Variants in ANKRD6 observed in about 807,000 individuals in gnomAD.
ANKRD6 encodes ankyrin repeat domain 6.
A neutral mutation model predicts 82.3 loss-of-function variants in ANKRD6; 56 were observed. The observed-to-expected ratio is 0.68, with a 90% CI of 0.55 to 0.85. The LOEUF (loss-of-function observed/expected upper bound fraction) is 0.85, where lower values mean the gene tolerates loss of function less well. Among genes scored for constraint, ANKRD6 ranks in the 40% least tolerant of loss-of-function variants. ANKRD6 has a pLI of 0.00. For missense variants in ANKRD6, 852 were observed against 907.6 expected (o/e 0.94, Z 0.79); for synonymous variants, 347 against 352.1 (o/e 0.99, Z 0.16).
At chr6:89,595,519 G>A (rs1251624570) in intron 2 of ANKRD6, among the ~76,000 whole-genome samples, 1 of 152,036 alleles carries the variant, frequency 6.6e-6, no homozygotes, top group African/African-American at 2.4e-5. Flanking sequence ...TGGGGCTGAT[G>A]ACCATGACAT....
At chr6:89,571,120 T>C (rs992151030) in intron 2 of ANKRD6, among the ~76,000 whole-genome samples, 12 of 152,090 alleles carry the variant, frequency 7.9e-5, no homozygotes. Flanking sequence ...GGTGCTATCT[T>C]GGCTCACTGC....
At chr6:89,612,739 T>C (rs1165070857) in intron 6 of ANKRD6, among the ~76,000 whole-genome samples, 1 of 152,212 alleles carries the variant, frequency 6.6e-6, no homozygotes, top group Non-Finnish European at 1.5e-5. Flanking sequence ...TATGAGCTGG[T>C]GCCATTTACA....
intron 2 of ANKRD6, among the ~76,000 whole-genome samples, chr6:89,575,288 A>G (rs1340415794): frequency 1.3e-5 from 2 of 152,176 alleles, no homozygotes; most frequent in African/African-American, 4.8e-5. Context: ...TCTGGTTTCT[A>G]TGACCTGCCT....
chr6:89,451,832 C>A (rs1030251897), intron 1 of ANKRD6, among the ~76,000 whole-genome samples: 2 of 152,142 alleles, frequency 1.3e-5, no homozygotes, highest in Admixed American at 6.5e-5. Flanking sequence ...CTTATTATAA[C>A]CCCCTCTGCT....
rs58643589 is a variant in ANKRD6, at chr6:89,541,387, C to CTTTTT, written c.-143-25428_-143-25424dup. Among the ~76,000 whole-genome samples, 48 of 64,100 alleles carry CTTTTT rather than the reference C, an allele frequency of 7.5e-4. 2 individuals are homozygous for CTTTTT. The highest frequency in any genetic ancestry group is 1.1e-3 in the African/African-American group (17 of 15,038). The allele number at this position is 64,100 out of a possible 152,430, so 42.1% of individuals were successfully genotyped here. Reference sequence around the variant, plus strand: ...TCTAGGTATTTAATTTTACGTGTGGCTTTTTTTTTTTTTTTTTTTTTTTGA... The same window carrying CTTTTT: ...TCTAGGTATTTAATTTTACGTGTGGCTTTTTTTTTTTTTTTTTTTTTTTTTTTTGA... On this transcript the variant is annotated intron_variant, in intron 1 of 15. Coordinates refer to ENST00000339746, the MANE Select transcript of ANKRD6 (RefSeq NM_001242809.2).
chr6:89,617,862 C>T (rs1801985122), intron 8 of ANKRD6, 92 bp from the exon 9 acceptor site: 1 of 1,245,506 alleles, frequency 8.0e-7, no homozygotes. Context: ...GGGTGTGGAA[C>T]TGCCTGCTCC....
At chr6:89,624,376 C>A in intron 12 of ANKRD6, 163 bp from the exon 13 acceptor site, 2 of 902,166 alleles carry the variant, frequency 2.2e-6, no homozygotes, top group South Asian at 1.8e-5. Context: ...TCTGCTACAC[C>A]CAAAATTTGG....
chr6:89,627,830 T>TAAAA, intron 14 of ANKRD6, 134 bp downstream of exon 14: 1 of 674,046 alleles, frequency 1.5e-6, no homozygotes, highest in Non-Finnish European at 2.5e-6. Context: ...GTATCATTTT[T>TAAAA]ATGATACTGA....
At position 89,631,359 on chromosome 6, in the gene ANKRD6, T is replaced by G. The variant is rs1373153682; in HGVS notation, c.*355T>G. The G allele has an allele frequency of 1.2e-5, 2 of 173,370 alleles. No homozygotes were observed. Among genetic ancestry groups the G allele is most frequent in the Non-Finnish European group, 2.4e-5 (2 of 81,938 alleles). 10.7% of individuals were successfully genotyped at this position (173,370 alleles called of 1,614,324 possible). A position where few individuals can be genotyped will look rare whatever the true frequency, so the allele number is the denominator to read the frequency against. ...TTCAAGATGTGTGAAATAATATAAG[T>G]CAAAAGCAAGAAAAACGTAATCCCG... On this transcript the variant is annotated 3_prime_UTR_variant, in exon 16 of 16. Coordinates refer to ENST00000339746, the MANE Select transcript of ANKRD6 (RefSeq NM_001242809.2).
intron 1 of ANKRD6, among the ~76,000 whole-genome samples, chr6:89,521,962 C>T (rs972244063): frequency 5.3e-5 from 8 of 152,088 alleles, no homozygotes; most frequent in African/African-American, 1.7e-4. Flanking sequence ...TATTTTATAA[C>T]CTATACTTTG....
Position 89,606,086 on chromosome 6 carries a change from A to C in ANKRD6, c.398A>C (p.Asn133Thr), listed in dbSNP as rs1377315823. Residue 133 changes from asparagine to threonine, a missense_variant, in exon 5 of 16, where the codon AAC (asparagine) becomes ACC (threonine). Asn to Thr is a moderately conservative substitution (Grantham distance 65). Coordinates refer to ENST00000339746, the MANE Select transcript of ANKRD6 (RefSeq NM_001242809.2). ...SAKLLIKAGA[N>T]VLAKNKAGNT... is the part of the protein sequence containing the mutation. ...AAGCTGCTCATTAAAGCAGGAGCCA[A>C]CGTGCTTGCCAAGAACAAGGTGAGG... The C allele has an allele frequency of 1.3e-6, 2 of 1,576,208 alleles. No individual in the cohort carries two copies. The highest frequency in any genetic ancestry group is 1.2e-5 in the South Asian group (1 of 85,090).
At chr6:89,462,646 C>A (rs2127773892) in intron 1 of ANKRD6, among the ~76,000 whole-genome samples, 1 of 152,186 alleles carries the variant, frequency 6.6e-6, no homozygotes, top group African/African-American at 2.4e-5. Flanking sequence ...TCTGTTCTGT[C>A]TTTCATATTT....
rs535565317 is a variant in ANKRD6, at chr6:89,534,800, G to A, written c.-143-32034G>A. 2.0e-5 allele frequency among the ~76,000 whole-genome samples: 3 copies of A among 152,308 alleles called. No homozygotes were observed. The East Asian group carries it at 5.8e-4, about 29-fold the overall frequency. On this transcript the variant is annotated intron_variant, in intron 1 of 15. Coordinates refer to ENST00000339746, the MANE Select transcript of ANKRD6 (RefSeq NM_001242809.2). ...CAGGTAAGTTCAAGTGGTGTTGATT[G>A]TTGTGCAGAAAATATAGAACTCAGT...
intron 1 of ANKRD6, chr6:89,478,397 CA>C: frequency 6.6e-6 from 1 of 152,012 alleles, no homozygotes; most frequent in Admixed American, 6.6e-5. Flanking sequence ...ATAGCCACTG[CA>C]CTCTAGTCTG....
At chr6:89,466,652 T>C (rs1281303945) in intron 1 of ANKRD6, among the ~76,000 whole-genome samples, 1 of 152,248 alleles carries the variant, frequency 6.6e-6, no homozygotes, top group Non-Finnish European at 1.5e-5. Context: ...TTTCAAAATC[T>C]TCACCTTCCT....
intron 1 of ANKRD6, among the ~76,000 whole-genome samples, chr6:89,482,218 T>C (rs1582843850): frequency 6.6e-6 from 1 of 152,192 alleles, no homozygotes; most frequent in South Asian, 2.1e-4. Context: ...CCAAATTATA[T>C]CAGCAGCTTT....
chr6:89,486,316 A>G (rs1174999208), intron 1 of ANKRD6, among the ~76,000 whole-genome samples: 1 of 152,182 alleles, frequency 6.6e-6, no homozygotes, highest in Non-Finnish European at 1.5e-5. Flanking sequence ...GTGCTGGGAC[A>G]TTTGATTATA....
At chr6:89,628,833 T>C in intron 14 of ANKRD6, 1 of 392,716 alleles carries the variant, frequency 2.5e-6, no homozygotes, top group Non-Finnish European at 4.7e-6. Context: ...ACCGTGAGGA[T>C]GGTACCAAGC....
intron 1 of ANKRD6, among the ~76,000 whole-genome samples, chr6:89,469,895 A>G (rs916552239): frequency 6.6e-6 from 1 of 152,090 alleles, no homozygotes; most frequent in African/African-American, 2.4e-5. Flanking sequence ...CTATTGTAAA[A>G]CAACAGCTAC....
Sources: allele counts gnomAD v4.1 joint callset (sites outside exome capture counted in the v4.1 genomes callset), GRCh38; gene constraint gnomAD v4.1.1; transcripts MANE v1.5; gene names NCBI Gene and HGNC (gene_info 2026-07-23, HGNC 2026-07-21).